PPARG: variants seen among roughly 807,000 people sequenced by gnomAD.
PPARG encodes the protein peroxisome proliferator-activated receptor gamma.
PPARG carries 17 observed loss-of-function variants against 39.2 expected under a neutral mutation model. The observed-to-expected ratio is 0.43, with a 90% CI of 0.30 to 0.65. PPARG has a LOEUF of 0.65. Among genes scored for constraint, PPARG ranks in the 30% least tolerant of loss-of-function variants. The pLI is 0.13. For missense variants in PPARG, 406 were observed against 585.9 expected (o/e 0.69, Z 3.17); for synonymous variants, 223 against 215.7 (o/e 1.03, Z -0.30).
rs530641985 is a variant in PPARG, at chr3:12,319,959, T to G, written c.-9+7506T>G. Among the ~76,000 whole-genome samples, 12 of 152,316 alleles carry G rather than the reference T, an allele frequency of 7.9e-5. No individual in the cohort carries two copies. The South Asian group carries it at 1.7e-3, about 21-fold the overall frequency. On this transcript the variant is annotated intron_variant, in intron 2 of 7. Transcript: ENST00000651735. ...CCTTGACTTTTTTATCTTTTCCAAATGAATAAATCAAAATAGAAAGAGGTT... is the reference window on the plus strand; with the variant it reads ...CCTTGACTTTTTTATCTTTTCCAAAGGAATAAATCAAAATAGAAAGAGGTT...
intron 2 of PPARG, among the ~76,000 whole-genome samples, chr3:12,377,573 AAAG>A (rs1305808652): frequency 3.3e-5 from 5 of 152,206 alleles, no homozygotes; most frequent in African/African-American, 1.2e-4. Flanking sequence ...GGATGCAATT[AAAG>A]AAGAAGTTCA....
At chr3:12,363,166 C>T (rs188363371) in intron 2 of PPARG, among the ~76,000 whole-genome samples, 6 of 152,270 alleles carry the variant, frequency 3.9e-5, no homozygotes, top group Admixed American at 3.3e-4. Context: ...GTAATCCTCC[C>T]ACCTTGGCCT....
At chr3:12,309,556 T>C (rs1425820983) in intron 1 of PPARG, among the ~76,000 whole-genome samples, 1 of 152,228 alleles carries the variant, frequency 6.6e-6, no homozygotes, top group East Asian at 1.9e-4. Flanking sequence ...AAGTTAATTA[T>C]GTCACTATAT....
chr3:12,417,287 AC>A, intron 7 of PPARG, 133 bp downstream of exon 7: 1 of 923,478 alleles, frequency 1.1e-6, no homozygotes, highest in Non-Finnish European at 1.7e-6. Flanking sequence ...ATGAATCATC[AC>A]TACACGTGCA....
At chr3:12,316,258 A>G (rs1368223077) in intron 2 of PPARG, among the ~76,000 whole-genome samples, 1 of 152,176 alleles carries the variant, frequency 6.6e-6, no homozygotes, top group Non-Finnish European at 1.5e-5. Flanking sequence ...TGAAATGTGA[A>G]GTATTTGGAA....
rs559237304 is a variant in PPARG at position 12,383,191 on chromosome 3, T to TTGGCTA, written c.390+1701_390+1706dup. Among the ~76,000 whole-genome samples the TTGGCTA allele has an allele frequency of 2.6e-5, 4 of 152,296 alleles. No homozygotes were observed. In the East Asian group the frequency reaches 7.7e-4, roughly 29 times the overall value. ...CCATATGTAAAATGACTTGGTTAGA[T>TTGGCTA]TGGCTACACAAGGTCTTATTCATCT... On this transcript the variant is annotated intron_variant, in intron 4 of 7. Transcript: ENST00000651735.
At chr3:12,330,969 C>T (rs1559496304) in intron 2 of PPARG, among the ~76,000 whole-genome samples, 2 of 152,052 alleles carry the variant, frequency 1.3e-5, no homozygotes, top group East Asian at 3.8e-4. Flanking sequence ...ATTAGAAAGC[C>T]CACATTTCAC....
intron 2 of PPARG, among the ~76,000 whole-genome samples, chr3:12,364,152 A>G (rs2048940339): frequency 6.6e-6 from 1 of 152,142 alleles, no homozygotes; most frequent in Non-Finnish European, 1.5e-5. Flanking sequence ...CATATCCACC[A>G]TTGTAGTGTC....
At chr3:12,420,270 T>A (rs1191241880) in intron 7 of PPARG, among the ~76,000 whole-genome samples, 1 of 152,242 alleles carries the variant, frequency 6.6e-6, no homozygotes. Context: ...CTCAGGCATC[T>A]ATCGAGGATG....
At chr3:12,369,586 T>G (rs1035764724) in intron 2 of PPARG, among the ~76,000 whole-genome samples, 17 of 152,278 alleles carry the variant, frequency 1.1e-4, no homozygotes, top group African/African-American at 4.1e-4. Context: ...AATTTAGTCC[T>G]TTTACTACCA....
chr3:12,389,795 G>A lies in PPARG; in HGVS notation c.391-2819G>A, dbSNP rs1380758336. ...GCCTATAATCCCAGCTACCCAGAAG[G>A]CTGAGGCCCAAGAATCGCTTGAACC... On this transcript the variant is annotated intron_variant, in intron 4 of 7. Transcript: ENST00000651735. Among the ~76,000 whole-genome samples the A allele has an allele frequency of 3.3e-5, 5 of 152,146 alleles. No individual in the cohort carries two copies. The East Asian group carries it at 9.6e-4, about 29-fold the overall frequency.
At chr3:12,356,668 C>G (rs1174745828) in intron 2 of PPARG, among the ~76,000 whole-genome samples, 1 of 152,186 alleles carries the variant, frequency 6.6e-6, no homozygotes, top group African/African-American at 2.4e-5. Flanking sequence ...TGCCGATTTT[C>G]AAGGCACCAT....
chr3:12,392,285 G>A (rs901093821), intron 4 of PPARG, among the ~76,000 whole-genome samples: 3 of 152,174 alleles, frequency 2.0e-5, no homozygotes, highest in Non-Finnish European at 2.9e-5. Flanking sequence ...TGATTACACG[G>A]TGTTTTATTT....
chr3:12,364,913 C>G, intron 2 of PPARG, among the ~76,000 whole-genome samples: 1 of 152,198 alleles, frequency 6.6e-6, no homozygotes, highest in South Asian at 2.1e-4. Context: ...GAGTTTTAAG[C>G]GTTCTTTGTA....
intron 4 of PPARG, among the ~76,000 whole-genome samples, chr3:12,391,549 C>T (rs2050076033): frequency 6.6e-6 from 1 of 152,134 alleles, no homozygotes. Context: ...GCTTGAGAAA[C>T]TGGAAGGATG....
chr3:12,341,319 A>T (rs968849492), intron 2 of PPARG, among the ~76,000 whole-genome samples: 1 of 152,240 alleles, frequency 6.6e-6, no homozygotes, highest in African/African-American at 2.4e-5. Flanking sequence ...AAAAACTTAG[A>T]TATGTAAGTG....
At chr3:12,429,260 T>C (rs779451802) in intron 7 of PPARG, among the ~76,000 whole-genome samples, 1 of 152,042 alleles carries the variant, frequency 6.6e-6, no homozygotes, top group East Asian at 1.9e-4. Flanking sequence ...ACCAGATCCC[T>C]CTCCACTCCT....
rs1180126342 is a variant in PPARG at position 12,310,481 on chromosome 3, T to G, written c.-82-1899T>G. Among the ~76,000 whole-genome samples the G allele has an allele frequency of 5.2e-5, 5 of 95,748 alleles. No individual in the cohort carries two copies. The Admixed American group carries it at 5.8e-4, about 11-fold the overall frequency. The allele number at this position is 95,748 out of a possible 152,430, so 62.8% of individuals were successfully genotyped here. ...CCCTTTTTTTTTTTTTTTTTTTTTT[T>G]GAGACAGAGTCTCGCTCTGTCGCCC... On this transcript the variant is annotated intron_variant, in intron 1 of 7. Coordinates refer to ENST00000651735, the MANE Select transcript of PPARG (RefSeq NM_138711.6).
At chr3:12,291,185 T>C (rs1237305219) in intron 1 of PPARG, among the ~76,000 whole-genome samples, 1 of 152,166 alleles carries the variant, frequency 6.6e-6, no homozygotes, top group African/African-American at 2.4e-5. Context: ...AGCGTAAACA[T>C]ATGCACCCCC....
Sources: allele counts gnomAD v4.1 joint callset (sites outside exome capture counted in the v4.1 genomes callset), GRCh38; gene constraint gnomAD v4.1.1; transcripts MANE v1.5; gene names NCBI Gene and HGNC (gene_info 2026-07-23, HGNC 2026-07-21).